Variants in IFT81 observed in about 807,000 individuals in gnomAD.
IFT81 encodes the protein intraflagellar transport 81.
Under a neutral mutation model 102.6 loss-of-function variants are expected in IFT81, and 72 were observed. The ratio of observed to expected loss-of-function variants is 0.70; its 90% CI spans 0.58 to 0.85. IFT81 has a LOEUF of 0.85. IFT81 is among the 40% of genes least tolerant of loss of function. The pLI is 0.00. For missense variants in IFT81, 723 were observed against 787.3 expected (o/e 0.92, Z 0.98); for synonymous variants, 237 against 242.7 (o/e 0.98, Z 0.22).
At chr12:110,156,389 TTA>T (rs1895839674) in intron 10 of IFT81, among the ~76,000 whole-genome samples, 1 of 152,218 alleles carries the variant, frequency 6.6e-6, no homozygotes, top group African/African-American at 2.4e-5. Context: ...CTTTCAGGAC[TTA>T]TTTGAGCATT....
At position 110,134,971 on chromosome 12, in the gene IFT81, A is replaced by C; in HGVS notation, c.543A>C (p.Glu181Asp). 1 of 1,611,572 alleles carries C rather than the reference A, an allele frequency of 6.2e-7. No individual in the cohort carries two copies. The highest frequency in any genetic ancestry group is 8.5e-7 in the Non-Finnish European group (1 of 1,179,272). ...AGGATATCAGTGCAATGGAAGAAGA[A>C]AAGGATCAGCTCATTAAGAGAGTTG... Reference protein sequence around the residue: ...IRKDISAMEEEKDQLIKRVEH... With the variant: ...IRKDISAMEEDKDQLIKRVEH... Residue 181 changes from glutamate (E) to aspartate (D), a missense_variant, in exon 6 of 19, where the codon GAA becomes GAC. Coordinates refer to ENST00000242591, the MANE Select transcript of IFT81 (RefSeq NM_014055.4).
chr12:110,144,679 T>TTTTTTA (rs1339693006), intron 9 of IFT81, among the ~76,000 whole-genome samples: 4 of 150,150 alleles, frequency 2.7e-5, no homozygotes, highest in Non-Finnish European at 1.5e-5. Flanking sequence ...CCTGGCCAAT[T>TTTTTTA]TTTTTATTTT....
At chr12:110,205,739 A>G in intron 17 of IFT81, 59 bp downstream of exon 17, 1 of 1,063,932 alleles carries the variant, frequency 9.4e-7, no homozygotes, top group African/African-American at 1.6e-5. Flanking sequence ...TAAAAGTTTT[A>G]TAAATAAGAT....
At chr12:110,188,050 C>T (rs190303930) in intron 12 of IFT81, among the ~76,000 whole-genome samples, 93 of 152,030 alleles carry the variant, frequency 6.1e-4, no homozygotes, top group African/African-American at 2.1e-3. Context: ...CCTATCTGCT[C>T]GGCCGGGCGC....
intron 18 of IFT81, among the ~76,000 whole-genome samples, chr12:110,211,175 C>CTTT (rs796140785): frequency 1.6e-4 from 16 of 102,208 alleles, no homozygotes; most frequent in East Asian, 2.9e-4. Flanking sequence ...ATTAGGCTTT[C>CTTT]TTTTTTTTTT....
intron 11 of IFT81, chr12:110,169,029 CT>C (rs1156325769): frequency 9.7e-5 from 7 of 72,076 alleles, no homozygotes; most frequent in East Asian, 1.3e-3. Context: ...TCCTCCCTTC[CT>C]TCCTTCCTTC....
chr12:110,180,299 T>C, intron 11 of IFT81, 123 bp from the exon 12 acceptor site: 1 of 314,778 alleles, frequency 3.2e-6, no homozygotes, highest in Non-Finnish European at 5.7e-6. Flanking sequence ...GAAATTATTA[T>C]ATACGTGTGA....
At position 110,154,028 on chromosome 12, in the gene IFT81, G is replaced by A. The variant is rs1430827251; in HGVS notation, c.1041+6980G>A. 3.3e-5 allele frequency among the ~76,000 whole-genome samples: 5 copies of A among 151,878 alleles called. 1 individual carries two copies. Among genetic ancestry groups the A allele is most frequent in the Admixed American group, 1.3e-4 (2 of 15,228 alleles). On this transcript the variant is annotated intron_variant, in intron 10 of 18. Coordinates refer to ENST00000242591, the MANE Select transcript of IFT81 (RefSeq NM_014055.4). ...AGACAAAGTCTCGCTCTGTCACCTCGGCTGGAGTGCAGTGGCATGATCTCA... is the reference window on the plus strand; with the variant it reads ...AGACAAAGTCTCGCTCTGTCACCTCAGCTGGAGTGCAGTGGCATGATCTCA...
intron 4 of IFT81, among the ~76,000 whole-genome samples, chr12:110,130,659 G>A (rs1403572592): frequency 2.0e-5 from 3 of 152,072 alleles, no homozygotes; most frequent in Admixed American, 2.0e-4. Context: ...GAGCCACGGT[G>A]CACGACCTGA....
At chr12:110,167,435 C>T (rs2137458703) in intron 11 of IFT81, among the ~76,000 whole-genome samples, 1 of 152,208 alleles carries the variant, frequency 6.6e-6, no homozygotes, top group Admixed American at 6.5e-5. Flanking sequence ...TCCCTTCATA[C>T]CAGTATTTGA....
chr12:110,178,363 G>A (rs1281586800), intron 11 of IFT81, among the ~76,000 whole-genome samples: 7 of 149,454 alleles, frequency 4.7e-5, no homozygotes, highest in African/African-American at 1.2e-4. Context: ...GCAGTGAGGG[G>A]AGATTGTGCG....
At chr12:110,206,675 TAA>T (rs551478493) in intron 17 of IFT81, among the ~76,000 whole-genome samples, 62 of 128,938 alleles carry the variant, frequency 4.8e-4, no homozygotes, top group Admixed American at 1.0e-3. Context: ...ACTCTGTCTT[TAA>T]AAAAAAAAAA....
intron 18 of IFT81, among the ~76,000 whole-genome samples, chr12:110,209,718 G>A (rs1023655410): frequency 3.4e-5 from 5 of 148,014 alleles, no homozygotes; most frequent in Non-Finnish European, 5.9e-5. Context: ...GCAGTGAGCC[G>A]AGATTGCGCC....
intron 9 of IFT81, among the ~76,000 whole-genome samples, chr12:110,144,157 C>A (rs936071454): frequency 2.0e-5 from 3 of 151,420 alleles, no homozygotes; most frequent in African/African-American, 7.3e-5. Flanking sequence ...GGATTACAGG[C>A]ACGAACCACC....
In IFT81 at chr12:110,205,552, T is replaced by A. The variant is rs779119447; in HGVS notation, c.1716+38T>A. On this transcript the variant is annotated intron_variant, in intron 16 of 18. Transcript: ENST00000242591. The stretch of plus-strand genomic sequence containing the variant: ...AGATCAAAAACATTTCTGAGTTTTT[T>A]CTATATCAAAGTCTTCCCTAAAACT... 28 of 1,585,022 alleles carry A rather than the reference T, an allele frequency of 1.8e-5. No individual in the cohort carries two copies. In the Admixed American group the frequency reaches 5.3e-4, roughly 30 times the overall value.
At chr12:110,167,715 C>G (rs2050977046) in intron 11 of IFT81, among the ~76,000 whole-genome samples, 1 of 151,840 alleles carries the variant, frequency 6.6e-6, no homozygotes, top group Non-Finnish European at 1.5e-5. Flanking sequence ...ATTATCAATA[C>G]TTTAGATAAA....
At chr12:110,207,048 G>A (rs1233886378) in intron 17 of IFT81, among the ~76,000 whole-genome samples, 1 of 133,512 alleles carries the variant, frequency 7.5e-6, no homozygotes, top group African/African-American at 2.8e-5. Flanking sequence ...TTTTTTTTTT[G>A]AGACGGAGTC....
chr12:110,194,635 A>G (rs1449712764), intron 14 of IFT81, among the ~76,000 whole-genome samples: 2 of 152,180 alleles, frequency 1.3e-5, no homozygotes, highest in Admixed American at 1.3e-4. Context: ...TCTATTATTT[A>G]TTGATTACTT....
rs754783911 is a variant in IFT81 at position 110,191,091 on chromosome 12, G to A, written c.1467+43G>A. ...TAAATTTTCTTTTATTGTGTAGCTA[G>A]AAGGCAGGTGTTTTGTGTTAGTTTT... On this transcript the variant is annotated intron_variant, in intron 13 of 18. Coordinates refer to ENST00000242591, the MANE Select transcript of IFT81 (RefSeq NM_014055.4). 4.5e-6 allele frequency: 7 copies of A among 1,540,332 alleles called. No individual in the cohort carries two copies. The South Asian group carries it at 7.3e-5, about 16-fold the overall frequency.
Sources: gnomAD v4.1 joint callset for allele counts (sites outside exome capture counted in the v4.1 genomes callset) on GRCh38, gnomAD v4.1.1 for gene constraint, MANE v1.5 for transcripts, NCBI Gene and HGNC (gene_info 2026-07-23, HGNC 2026-07-21) for gene names.